GSK3B: variants seen among roughly 807,000 people sequenced by gnomAD.
GSK3B encodes glycogen synthase kinase 3 beta, also known as glycogen synthase kinase-3 beta.
A neutral mutation model predicts 56.4 loss-of-function variants in GSK3B; 15 were observed. The observed-to-expected ratio is 0.27, with a 90% CI of 0.18 to 0.41. The LOEUF is 0.41. Among genes scored for constraint, GSK3B ranks in the 10% least tolerant of loss-of-function variants. GSK3B has a pLI of 1.00. For missense variants in GSK3B, 300 were observed against 513.4 expected (o/e 0.58, Z 4.02); for synonymous variants, 181 against 188.9 (o/e 0.96, Z 0.34).
At chr3:119,934,453 T>G (rs1264828937) in intron 3 of GSK3B, among the ~76,000 whole-genome samples, 1 of 152,186 alleles carries the variant, frequency 6.6e-6, no homozygotes, top group Non-Finnish European at 1.5e-5. Flanking sequence ...GTCGAGATCA[T>G]CAAAACCAAG....
In GSK3B at chr3:119,822,116, A is replaced by C. The variant is rs914139556; in HGVS notation, c.*4672T>G. The stretch of plus-strand genomic sequence containing the variant: ...CTTTTCACAAAAAAGTTTATATTTA[A>C]AATGAAAAAAAAATCAGTCACAGAG... On this transcript the variant is annotated 3_prime_UTR_variant, in exon 11 of 11. Coordinates refer to ENST00000264235, the MANE Select transcript of GSK3B (RefSeq NM_001146156.2). The C allele has an allele frequency of 3.5e-5, 4 of 113,106 alleles. No individual in the cohort carries two copies. Among genetic ancestry groups the C allele is most frequent in the Non-Finnish European group, 7.2e-5 (4 of 55,732 alleles). The allele number at this position is 113,106 out of a possible 1,614,324, so 7.0% of individuals were successfully genotyped here.
chr3:119,967,748 C>G (rs992696413), intron 2 of GSK3B, among the ~76,000 whole-genome samples: 2 of 151,108 alleles, frequency 1.3e-5, no homozygotes, highest in East Asian at 1.9e-4. Flanking sequence ...GTCCCGTCCC[C>G]TCCCCTCCCC....
At position 119,826,641 on chromosome 3, in the gene GSK3B, G is replaced by C; in HGVS notation, c.*147C>G. 1 of 539,220 alleles carries C rather than the reference G, an allele frequency of 1.9e-6. No homozygotes were observed. The highest frequency in any genetic ancestry group is 3.6e-6 in the Non-Finnish European group (1 of 275,734). 33.4% of individuals were successfully genotyped at this position (539,220 alleles called of 1,614,324 possible). On this transcript the variant is annotated 3_prime_UTR_variant, in exon 11 of 11. Coordinates refer to ENST00000264235, the MANE Select transcript of GSK3B (RefSeq NM_001146156.2). The stretch of plus-strand genomic sequence containing the variant: ...ATAGATATTTTACAAGGTTAAATAA[G>C]AACAACAATAATAATAAAAAAATTG...
chr3:120,007,990 G>A (rs750469863), intron 1 of GSK3B, among the ~76,000 whole-genome samples: 39 of 151,822 alleles, frequency 2.6e-4, no homozygotes, highest in Admixed American at 5.3e-4. Flanking sequence ...TCTGTTTGAC[G>A]TCTCAGGCCA....
chr3:119,840,573 C>G (rs2055757139), intron 10 of GSK3B, among the ~76,000 whole-genome samples: 1 of 152,108 alleles, frequency 6.6e-6, no homozygotes, highest in Admixed American at 6.6e-5. Flanking sequence ...CTCACAATGA[C>G]AAATTCTTAT....
At chr3:119,972,473 T>C (rs749315869) in intron 2 of GSK3B, among the ~76,000 whole-genome samples, 1 of 152,220 alleles carries the variant, frequency 6.6e-6, no homozygotes, top group Non-Finnish European at 1.5e-5. Context: ...TCTCGCTCTG[T>C]AGTCCAGCCT....
chr3:119,906,721 G>A (rs1349831692), intron 6 of GSK3B, among the ~76,000 whole-genome samples: 1 of 151,986 alleles, frequency 6.6e-6, no homozygotes, highest in African/African-American at 2.4e-5. Flanking sequence ...AGATTCCTAG[G>A]TTTTTAATGT....
intron 3 of GSK3B, among the ~76,000 whole-genome samples, chr3:119,928,791 A>C (rs1480926208): frequency 6.6e-6 from 1 of 152,068 alleles, no homozygotes; most frequent in Non-Finnish European, 1.5e-5. Context: ...GGAGTTATGT[A>C]ACTATGAGCA....
intron 2 of GSK3B, among the ~76,000 whole-genome samples, chr3:119,973,643 G>C (rs1311018461): frequency 3.3e-5 from 5 of 152,154 alleles, no homozygotes; most frequent in Non-Finnish European, 7.3e-5. Context: ...TAAATATTTT[G>C]AGAGAGAGGG....
At chr3:120,038,358 C>T (rs1007156751) in intron 1 of GSK3B, among the ~76,000 whole-genome samples, 2 of 152,108 alleles carry the variant, frequency 1.3e-5, no homozygotes, top group African/African-American at 2.4e-5. Context: ...TGAACCCAAG[C>T]GTTCAAGACC....
intron 1 of GSK3B, among the ~76,000 whole-genome samples, chr3:120,073,150 G>A (rs762813220): frequency 3.4e-5 from 5 of 145,988 alleles, no homozygotes; most frequent in Non-Finnish European, 7.4e-5. Flanking sequence ...ACTCTGAGAG[G>A]ACAAGGCAGA....
At chr3:119,916,976 A>G (rs1302433269) in intron 4 of GSK3B, among the ~76,000 whole-genome samples, 1 of 152,194 alleles carries the variant, frequency 6.6e-6, no homozygotes, top group African/African-American at 2.4e-5. Context: ...ATGGACGAAG[A>G]GAGTATAATT....
chr3:119,993,851 C>A (rs535199911), intron 2 of GSK3B, among the ~76,000 whole-genome samples: 1 of 152,178 alleles, frequency 6.6e-6, no homozygotes, highest in East Asian at 1.9e-4. Context: ...GGATCTAGAT[C>A]CAGCTTGAAA....
chr3:120,038,372 C>G (rs11717317), intron 1 of GSK3B, among the ~76,000 whole-genome samples: 1 of 152,118 alleles, frequency 6.6e-6, no homozygotes, highest in Admixed American at 6.5e-5. Flanking sequence ...CAAGACCAAC[C>G]TGGGCAACAT....
intron 9 of GSK3B, among the ~76,000 whole-genome samples, chr3:119,860,485 A>C (rs2056087809): frequency 6.6e-6 from 1 of 152,210 alleles, no homozygotes; most frequent in African/African-American, 2.4e-5. Context: ...AAAGTTGTCC[A>C]TCTCATATCT....
At chr3:119,984,298 T>G (rs964115944) in intron 2 of GSK3B, among the ~76,000 whole-genome samples, 30 of 150,050 alleles carry the variant, frequency 2.0e-4, no homozygotes, top group African/African-American at 7.4e-4. Context: ...TTAAAAGAAC[T>G]AGACAAGCAA....
intron 3 of GSK3B, among the ~76,000 whole-genome samples, chr3:119,939,003 T>C (rs1205579566): frequency 6.6e-6 from 1 of 150,506 alleles, no homozygotes; most frequent in Non-Finnish European, 1.5e-5. Flanking sequence ...AAAAAAATAA[T>C]TAAAATACAA....
chr3:120,008,244 T>C (rs2107493854), intron 1 of GSK3B, among the ~76,000 whole-genome samples: 1 of 152,246 alleles, frequency 6.6e-6, no homozygotes, highest in South Asian at 2.1e-4. Context: ...CACAAACAAA[T>C]GGAAAAACAT....
intron 2 of GSK3B, among the ~76,000 whole-genome samples, chr3:119,965,754 G>A (rs939564113): frequency 6.6e-6 from 1 of 152,080 alleles, no homozygotes; most frequent in Non-Finnish European, 1.5e-5. Context: ...CATTTATTGT[G>A]TTCAAAGGAC....
Sources: allele counts gnomAD v4.1 joint callset (sites outside exome capture counted in the v4.1 genomes callset), GRCh38; gene constraint gnomAD v4.1.1; transcripts MANE v1.5; gene names NCBI Gene and HGNC (gene_info 2026-07-23, HGNC 2026-07-21).